Variants in RBFOX3 observed in about 807,000 individuals in gnomAD.
RBFOX3 encodes RNA binding fox-1 homolog 3, also known as RNA binding protein fox-1 homolog 3.
In RBFOX3, 17 loss-of-function variants were observed where a neutral mutation model predicts 48.7. The ratio of observed to expected loss-of-function variants is 0.35; its 90% confidence interval spans 0.24 to 0.52. RBFOX3 has a LOEUF of 0.52. Among genes scored for constraint, RBFOX3 ranks in the 20% least tolerant of loss-of-function variants. RBFOX3 has a pLI of 0.94. For missense variants in RBFOX3, 382 were observed against 497.5 expected, an observed-to-expected ratio of 0.77 and a Z score of 2.21; for synonymous variants, 212 against 209.5, an observed-to-expected ratio of 1.01 and a Z score of -0.10.
At chr17:79,244,724 T>C (rs2062887906) in intron 3 of RBFOX3, among the ~76,000 whole-genome samples, 1 of 145,208 alleles carries the variant, frequency 6.9e-6, no homozygotes, top group African/African-American at 2.5e-5. Flanking sequence ...TTTTCTTTCC[T>C]CTTTCTTCTC....
chr17:79,625,691 C>CGAG, the RBFOX3 span, among the ~76,000 whole-genome samples: 1 of 151,878 alleles, frequency 6.6e-6, no homozygotes, highest in African/African-American at 2.4e-5. Context: ...ACTCAGGAGG[C>CGAG]TGAGGCAGGA....
At chr17:79,107,520 C>A (rs1308727024) in intron 5 of RBFOX3, among the ~76,000 whole-genome samples, 1 of 152,236 alleles carries the variant, frequency 6.6e-6, no homozygotes, top group East Asian at 1.9e-4. Flanking sequence ...CGCAGTGTGG[C>A]CTGTGTGAGG....
At position 79,390,007 on chromosome 17, in the gene RBFOX3, TCCAGGTCTCCGC is replaced by T. The variant is rs2061150659; in HGVS notation, c.-174-82195_-174-82184del. Among the ~76,000 whole-genome samples the T allele has an allele frequency of 1.0e-5, 1 of 95,912 alleles. No individual in the cohort carries two copies. Among genetic ancestry groups the T allele is most frequent in the Non-Finnish European group, 2.5e-5 (1 of 40,262 alleles). The allele number at this position is 95,912 out of a possible 152,430, so 62.9% of individuals were successfully genotyped here. On this transcript the variant is annotated intron_variant, in intron 2 of 14. Transcript: ENST00000693108. This position sits in a 1 kb window ranked among gnomAD's most constrained non-coding sequence, Gnocchi z 4.2. ...CCGCAGCCTCCAGGTCTCCGCAGCC[TCCAGGTCTCCGC>T]AGCCTCCAGGTCTCCGTAGCCTCCA...
At position 79,531,418 on chromosome 17, in the gene RBFOX3, C is replaced by T. The variant is rs1026604839; in HGVS notation, c.-319-48820G>A. Among the ~76,000 whole-genome samples the T allele has an allele frequency of 1.9e-3, 283 of 152,330 alleles. 2 individuals are homozygous for T. Among genetic ancestry groups the T allele is most frequent in the African/African-American group, 6.5e-3 (272 of 41,560 alleles). ...GGCTAAGTGTTCTCGGCATCTGAGG[C>T]GGCTTCACTTTTCGGCAGCCAGTGA... On this transcript the variant is annotated intron_variant, in intron 1 of 14. Coordinates refer to ENST00000693108, the MANE Select transcript of RBFOX3 (RefSeq NM_001350451.2).
chr17:79,128,427 C>T (rs1402486319), intron 4 of RBFOX3, among the ~76,000 whole-genome samples: 1 of 152,126 alleles, frequency 6.6e-6, no homozygotes, highest in Non-Finnish European at 1.5e-5. Context: ...CAGGGCTTTC[C>T]CAGGATGGAG....
chr17:79,209,410 C>G (rs2058040523), intron 4 of RBFOX3, among the ~76,000 whole-genome samples: 1 of 152,236 alleles, frequency 6.6e-6, no homozygotes, highest in Admixed American at 6.5e-5. Flanking sequence ...GCAGGCAGGA[C>G]AGAGGCACTC....
chr17:79,546,643 A>C (rs1435499180), intron 1 of RBFOX3, among the ~76,000 whole-genome samples: 1 of 147,960 alleles, frequency 6.8e-6, no homozygotes, highest in African/African-American at 2.5e-5. Flanking sequence ...ATCCGCCGGC[A>C]TTCCCAGCAG....
chr17:79,445,990 C>T (rs73411329), intron 2 of RBFOX3, among the ~76,000 whole-genome samples: 1,654 of 152,268 alleles, frequency 0.011, 32 homozygotes, highest in African/African-American at 0.038. Flanking sequence ...TGGCACATGG[C>T]GAGCGGAACC....
the RBFOX3 span, among the ~76,000 whole-genome samples, chr17:79,648,113 C>T: frequency 1.3e-5 from 2 of 152,132 alleles, no homozygotes; most frequent in African/African-American, 4.8e-5. Context: ...GTAGTGGGCA[C>T]TGCTAGTCCC....
chr17:79,378,987 G>A (rs1263147084), intron 2 of RBFOX3, among the ~76,000 whole-genome samples: 1 of 152,170 alleles, frequency 6.6e-6, no homozygotes, highest in East Asian at 1.9e-4. Flanking sequence ...GTAGGAGCCT[G>A]GGTTCCGTGT....
intron 1 of RBFOX3, among the ~76,000 whole-genome samples, chr17:79,610,605 C>A (rs1385167286): frequency 2.6e-5 from 4 of 152,026 alleles, no homozygotes; most frequent in African/African-American, 9.7e-5. Flanking sequence ...AGACCCCAGC[C>A]CCGGAGGGAC....
chr17:79,616,314 C>A, the RBFOX3 span, among the ~76,000 whole-genome samples: 1 of 152,104 alleles, frequency 6.6e-6, no homozygotes, highest in Non-Finnish European at 1.5e-5. Context: ...GGCAGGTGGA[C>A]CACCTGAGGT....
At chr17:79,464,164 C>T (rs1371767467) in intron 2 of RBFOX3, among the ~76,000 whole-genome samples, 5 of 152,276 alleles carry the variant, frequency 3.3e-5, no homozygotes, top group South Asian at 2.1e-4. Context: ...ACCAGCTCCT[C>T]GTGCTCTGTG....
rs148042073 is a variant in RBFOX3 at position 79,445,887 on chromosome 17, G to A, written c.-175+36567C>T. On this transcript the variant is annotated intron_variant, in intron 2 of 14. Coordinates refer to ENST00000693108, the MANE Select transcript of RBFOX3 (RefSeq NM_001350451.2). ...AGTCTGACTGGTGGACCTAGGGCAG[G>A]GGCCCTCCAACCAGGGGTGGGTTTG... Among the ~76,000 whole-genome samples, 964 of 152,318 alleles carry A rather than the reference G, an allele frequency of 6.3e-3. 11 individuals are homozygous for A. Among genetic ancestry groups the A allele is most frequent in the South Asian group, 8.3e-3 (40 of 4,824 alleles).
At chr17:79,628,490 A>G in the RBFOX3 span, among the ~76,000 whole-genome samples, 3 of 152,198 alleles carry the variant, frequency 2.0e-5, no homozygotes, top group African/African-American at 7.2e-5. Context: ...GCCCGGGTTT[A>G]GACTGAAGAG....
chr17:79,302,171 CTCACTGCA>C (rs1240961943), intron 3 of RBFOX3, among the ~76,000 whole-genome samples: 1 of 152,230 alleles, frequency 6.6e-6, no homozygotes, highest in Admixed American at 6.5e-5. Context: ...CCACTGAGCT[CTCACTGCA>C]TGCCGGGCAC....
In RBFOX3 at chr17:79,265,135, C is replaced by T. The variant is rs187657387; in HGVS notation, c.-73-29330G>A. 5.5e-3 allele frequency among the ~76,000 whole-genome samples: 837 copies of T among 152,344 alleles called. 5 individuals carry two copies. The highest frequency in any genetic ancestry group is 0.017 in the Middle Eastern group (5 of 294). On this transcript the variant is annotated intron_variant, in intron 3 of 14. Transcript: ENST00000693108. ...GGCAGAGGCAGTCCAGCCCCCCGTT[C>T]CAAAGGACAAAACGCAGAACACAAA...
intron 2 of RBFOX3, among the ~76,000 whole-genome samples, chr17:79,442,885 A>G (rs919527851): frequency 1.3e-5 from 2 of 152,164 alleles, no homozygotes; most frequent in Admixed American, 6.5e-5. Flanking sequence ...TCCGTGCATG[A>G]TTCCACTCCT....
At chr17:79,378,200 G>T (rs971492936) in intron 2 of RBFOX3, among the ~76,000 whole-genome samples, 1 of 151,860 alleles carries the variant, frequency 6.6e-6, no homozygotes, top group African/African-American at 2.4e-5. Flanking sequence ...GAGCCTCCCC[G>T]TAGGGGCTTA....
Sources: allele counts gnomAD v4.1 joint callset (sites outside exome capture counted in the v4.1 genomes callset), GRCh38; gene constraint gnomAD v4.1.1; non-coding constraint Gnocchi (gnomAD v3.1); transcripts MANE v1.5; gene names NCBI Gene and HGNC (gene_info 2026-07-23, HGNC 2026-07-21).